Variants in CSMD3 observed in about 807,000 individuals in gnomAD.
The protein encoded by CSMD3 is CUB and Sushi multiple domains 3.
In CSMD3, 177 loss-of-function variants were observed where a neutral mutation model predicts 435.2. That is an observed-to-expected ratio of 0.41 (90% confidence interval 0.36 to 0.46). CSMD3 has a LOEUF of 0.46. Ranked by LOEUF, CSMD3 falls within the 20% of genes least tolerant of loss-of-function variation. The probability of loss-of-function intolerance (pLI) is 0.34; values close to 1 mark genes in which losing one functional copy is unlikely to be tolerated. For synonymous variants in CSMD3, 1,656 were observed against 1,520.5 expected (o/e 1.09, Z -2.07); for missense variants, 4,265 against 4,504.6 (o/e 0.95, Z 1.52).
chr8:113,001,889 C>T (rs146831792), intron 6 of CSMD3, among the ~76,000 whole-genome samples: 3 of 152,110 alleles, frequency 2.0e-5, no homozygotes, highest in African/African-American at 7.2e-5. Context: ...GTACATAGTA[C>T]ATTGTTAGTA....
At chr8:112,994,454 C>G (rs2085569755) in intron 6 of CSMD3, among the ~76,000 whole-genome samples, 1 of 151,490 alleles carries the variant, frequency 6.6e-6, no homozygotes, top group African/African-American at 2.4e-5. Context: ...ATAAAATGCC[C>G]TTTTGTCAAT....
chr8:112,864,581 A>C (rs2080923577), intron 10 of CSMD3, among the ~76,000 whole-genome samples: 1 of 152,116 alleles, frequency 6.6e-6, no homozygotes, highest in African/African-American at 2.4e-5. Context: ...AAAAATAGTT[A>C]GCAATTCAAA....
chr8:112,291,838 G>T, intron 55 of CSMD3, 143 bp from the exon 56 acceptor site: 2 of 625,644 alleles, frequency 3.2e-6, no homozygotes, highest in African/African-American at 1.8e-5. Context: ...TAATCCCATG[G>T]ATTATCTAGA....
At chr8:112,403,897 C>T (rs1673864754) in intron 35 of CSMD3, among the ~76,000 whole-genome samples, 1 of 152,120 alleles carries the variant, frequency 6.6e-6, no homozygotes, top group Non-Finnish European at 1.5e-5. Context: ...ATTGGAGAGT[C>T]ATTTACAGTC....
chr8:113,179,288 GT>G (rs1389905043), intron 3 of CSMD3, among the ~76,000 whole-genome samples: 1 of 151,590 alleles, frequency 6.6e-6, no homozygotes, highest in African/African-American at 2.4e-5. Flanking sequence ...ATAAATTGCA[GT>G]TTTATTATTA....
At chr8:113,055,176 A>T (rs544943764) in intron 5 of CSMD3, among the ~76,000 whole-genome samples, 1 of 152,250 alleles carries the variant, frequency 6.6e-6, no homozygotes, top group East Asian at 1.9e-4. Context: ...TCCACCAAAA[A>T]GTCTCACTCT....
intron 3 of CSMD3, among the ~76,000 whole-genome samples, chr8:113,258,259 C>G (rs959967943): frequency 5.3e-5 from 8 of 152,084 alleles, no homozygotes; most frequent in Non-Finnish European, 1.2e-4. Flanking sequence ...GGACTGTATT[C>G]CATGCCATTT....
At chr8:112,287,833 G>A (rs1819364270) in intron 57 of CSMD3, among the ~76,000 whole-genome samples, 1 of 152,020 alleles carries the variant, frequency 6.6e-6, no homozygotes, top group Non-Finnish European at 1.5e-5. Flanking sequence ...AAAATAAAAT[G>A]TAAAAGACCA....
chr8:113,410,924 AG>A (rs1220179353), intron 1 of CSMD3, among the ~76,000 whole-genome samples: 2,483 of 150,610 alleles, frequency 0.016, 102 homozygotes, highest in African/African-American at 0.056. Context: ...AAAGAAAGAA[AG>A]AAAGAAAGAA....
At chr8:113,326,606 G>C (rs144709227) in intron 1 of CSMD3, among the ~76,000 whole-genome samples, 81 of 152,214 alleles carry the variant, frequency 5.3e-4, no homozygotes, top group African/African-American at 1.9e-3. Context: ...GAAGAAATGT[G>C]TAAGTGTTTT....
At chr8:112,766,707 T>G (rs1458369588) in intron 13 of CSMD3, among the ~76,000 whole-genome samples, 1 of 151,796 alleles carries the variant, frequency 6.6e-6, no homozygotes, top group Non-Finnish European at 1.5e-5. Flanking sequence ...CTGATTTCCT[T>G]TGATAGTTGG....
chr8:112,452,620 T>A (rs2130610956), intron 32 of CSMD3, among the ~76,000 whole-genome samples: 1 of 152,312 alleles, frequency 6.6e-6, no homozygotes, highest in South Asian at 2.1e-4. Flanking sequence ...ATTGCCTTTT[T>A]AAGGAATTTT....
intron 1 of CSMD3, among the ~76,000 whole-genome samples, chr8:113,410,134 A>G (rs963522947): frequency 3.3e-5 from 5 of 152,148 alleles, no homozygotes; most frequent in Non-Finnish European, 7.4e-5. Context: ...AAACACTCAT[A>G]CTTGTAAGTT....
chr8:113,312,379 G>A (rs778888304), intron 2 of CSMD3: 27 of 152,044 alleles, frequency 1.8e-4, no homozygotes, highest in Non-Finnish European at 3.7e-4. Flanking sequence ...TTAAGGGTTA[G>A]AGTCACTGAG....
At chr8:112,665,174 T>C (rs2075491153) in intron 17 of CSMD3, among the ~76,000 whole-genome samples, 1 of 152,154 alleles carries the variant, frequency 6.6e-6, no homozygotes, top group South Asian at 2.1e-4. Context: ...TGCGAAGTTG[T>C]AACTAATCAA....
intron 1 of CSMD3, among the ~76,000 whole-genome samples, chr8:113,411,942 G>A (rs1037689636): frequency 2.6e-5 from 4 of 152,042 alleles, no homozygotes; most frequent in Admixed American, 6.6e-5. Flanking sequence ...GCCAAAATAC[G>A]TGAGTTGAAA....
At chr8:113,399,695 G>A (rs2094501067) in intron 1 of CSMD3, among the ~76,000 whole-genome samples, 1 of 151,918 alleles carries the variant, frequency 6.6e-6, no homozygotes, top group Admixed American at 6.6e-5. Context: ...TTTCTTTGAT[G>A]TGTGTGTTGT....
At chr8:112,626,121 A>C (rs1318029613) in intron 22 of CSMD3, among the ~76,000 whole-genome samples, 2 of 152,154 alleles carry the variant, frequency 1.3e-5, no homozygotes, top group African/African-American at 4.8e-5. Flanking sequence ...ATCAAAAAAA[A>C]CCAGAAATGA....
chr8:113,379,571 A>G (rs2094406115), intron 1 of CSMD3, among the ~76,000 whole-genome samples: 1 of 152,198 alleles, frequency 6.6e-6, no homozygotes, highest in Non-Finnish European at 1.5e-5. Context: ...TCTAGCACCT[A>G]AGCAGATAAG....
Sources: allele counts gnomAD v4.1 joint callset (sites outside exome capture counted in the v4.1 genomes callset), GRCh38; gene constraint gnomAD v4.1.1; transcripts MANE v1.5; gene names NCBI Gene and HGNC (gene_info 2026-07-23, HGNC 2026-07-21).